Variants in SV2C observed in about 807,000 individuals in gnomAD.
SV2C encodes the protein solute carrier family 22 member B3.
Under a neutral mutation model 79.7 loss-of-function variants are expected in SV2C, and 49 were observed. The observed-to-expected ratio is 0.61, with a 90% CI of 0.49 to 0.78. SV2C has a LOEUF of 0.78. Among genes scored for constraint, SV2C ranks in the 30% least tolerant of loss-of-function variants. The pLI is 0.00. For missense variants in SV2C, 833 were observed against 912.9 expected (o/e 0.91, Z 1.13); for synonymous variants, 334 against 333.2 (o/e 1.00, Z -0.03).
intron 2 of SV2C, among the ~76,000 whole-genome samples, chr5:76,187,304 T>C (rs1336351515): frequency 1.3e-5 from 2 of 152,216 alleles, no homozygotes; most frequent in African/African-American, 2.4e-5. Context: ...AGTTTGCTCA[T>C]TGGATTCAGG....
At chr5:76,162,270 A>G (rs1233370426) in intron 2 of SV2C, among the ~76,000 whole-genome samples, 2 of 152,144 alleles carry the variant, frequency 1.3e-5, no homozygotes, top group Non-Finnish European at 2.9e-5. Context: ...TTTCCCTGAA[A>G]TGTTCAATGA....
the SV2C span, among the ~76,000 whole-genome samples, chr5:75,985,081 A>G: frequency 6.6e-6 from 1 of 151,956 alleles, no homozygotes; most frequent in South Asian, 2.1e-4. Context: ...ACACAGTTGC[A>G]TCTGGTGAGG....
intron 2 of SV2C, among the ~76,000 whole-genome samples, chr5:76,179,859 G>A (rs897685071): frequency 1.1e-4 from 17 of 152,248 alleles, no homozygotes; most frequent in Admixed American, 1.1e-3. Flanking sequence ...TGGCCTGCTG[G>A]ATTTTCTCTT....
intron 4 of SV2C, among the ~76,000 whole-genome samples, chr5:76,239,093 C>T (rs577659609): frequency 5.5e-4 from 83 of 151,984 alleles, no homozygotes; most frequent in Admixed American, 4.8e-3. Flanking sequence ...TCTTCCCCCC[C>T]ACTTCTGTAT....
intron 12 of SV2C, among the ~76,000 whole-genome samples, chr5:76,310,557 T>C (rs566347813): frequency 5.3e-5 from 8 of 152,130 alleles, no homozygotes; most frequent in Admixed American, 4.6e-4. Flanking sequence ...TAAAATGAAA[T>C]CCAATGTGGG....
At chr5:76,248,239 G>T (rs1167745427) in intron 4 of SV2C, among the ~76,000 whole-genome samples, 4 of 152,192 alleles carry the variant, frequency 2.6e-5, no homozygotes, top group African/African-American at 4.8e-5. Flanking sequence ...CACAGACTGG[G>T]TGGCTTCAAC....
At chr5:76,184,903 A>G (rs1472671857) in intron 2 of SV2C, among the ~76,000 whole-genome samples, 1 of 152,220 alleles carries the variant, frequency 6.6e-6, no homozygotes, top group Non-Finnish European at 1.5e-5. Context: ...TCATTTCAGC[A>G]TTAACCCAAA....
chr5:76,227,748 T>C lies in SV2C; in HGVS notation c.913+17861T>C, dbSNP rs181495682. Among the ~76,000 whole-genome samples the C allele has an allele frequency of 2.8e-3, 430 of 152,278 alleles. 5 individuals are homozygous for C. Among genetic ancestry groups the C allele is most frequent in the Non-Finnish European group, 5.9e-4 (40 of 68,012 alleles). On this transcript the variant is annotated intron_variant, in intron 4 of 12. Transcript: ENST00000502798. Reference sequence around the variant, plus strand: ...CCTCCACACATCTGGTTGAGACAGTTCCATCTAGTTCTGATCAGTTTTATT... The same window carrying C: ...CCTCCACACATCTGGTTGAGACAGTCCCATCTAGTTCTGATCAGTTTTATT...
intron 4 of SV2C, among the ~76,000 whole-genome samples, chr5:76,244,373 A>G (rs66531249): frequency 0.049 from 7,476 of 152,308 alleles, 340 homozygotes; most frequent in African/African-American, 0.12. Context: ...TCCTGCCTTC[A>G]AAGAGTTTTG....
At chr5:76,107,479 A>T (rs1045521769) in intron 1 of SV2C, among the ~76,000 whole-genome samples, 1 of 152,326 alleles carries the variant, frequency 6.6e-6, no homozygotes, top group African/African-American at 2.4e-5. Context: ...CAGTTTTCAG[A>T]TTATTATTAA....
At chr5:75,997,905 G>A in the SV2C span, among the ~76,000 whole-genome samples, 7 of 151,908 alleles carry the variant, frequency 4.6e-5, no homozygotes, top group African/African-American at 7.3e-5. Context: ...TGTTTATTGT[G>A]GCACTATTCA....
intron 1 of SV2C, among the ~76,000 whole-genome samples, chr5:76,130,145 T>TAAAAAAAAAAAAAAAAAAA (rs375351450): frequency 1.5e-5 from 1 of 67,832 alleles, no homozygotes; most frequent in Non-Finnish European, 2.3e-5. Context: ...TCTCAGTTCT[T>TAAAAAAAAAAAAAAAAAAA]AAAAAAAAAA....
At chr5:75,961,429 G>A in the SV2C span, among the ~76,000 whole-genome samples, 22 of 151,514 alleles carry the variant, frequency 1.5e-4, no homozygotes. Context: ...ATGATCTAAA[G>A]GAATAAAACA....
intron 6 of SV2C, among the ~76,000 whole-genome samples, chr5:76,290,176 C>T (rs1450386127): frequency 6.6e-6 from 1 of 152,056 alleles, no homozygotes; most frequent in African/African-American, 2.4e-5. Context: ...TTTGGAATTC[C>T]ATATTTAACT....
At chr5:75,943,107 G>A in the SV2C span, among the ~76,000 whole-genome samples, 1 of 152,180 alleles carries the variant, frequency 6.6e-6, no homozygotes, top group African/African-American at 2.4e-5. Flanking sequence ...GTAGCATTAA[G>A]CACTCTCTGA....
At chr5:76,019,097 A>G in the SV2C span, among the ~76,000 whole-genome samples, 8 of 152,186 alleles carry the variant, frequency 5.3e-5, no homozygotes, top group African/African-American at 1.9e-4. Context: ...AGAGAGAGAG[A>G]AAATAAAAAC....
chr5:75,855,903 A>C, the SV2C span, among the ~76,000 whole-genome samples: 4 of 152,108 alleles, frequency 2.6e-5, no homozygotes, highest in African/African-American at 9.7e-5. Flanking sequence ...ATTCATTCTA[A>C]GTATGTTTTT....
chr5:75,984,985 T>C, the SV2C span, among the ~76,000 whole-genome samples: 4 of 151,998 alleles, frequency 2.6e-5, no homozygotes, highest in African/African-American at 9.7e-5. Flanking sequence ...TTTGTGTTGC[T>C]ATAACAGAAT....
intron 9 of SV2C, among the ~76,000 whole-genome samples, chr5:76,296,338 A>T (rs577115531): frequency 1.3e-5 from 2 of 152,302 alleles, no homozygotes; most frequent in Admixed American, 1.3e-4. Context: ...TGAGTCTTCT[A>T]TTCCTGAGAA....
Sources: gnomAD v4.1 joint callset for allele counts (sites outside exome capture counted in the v4.1 genomes callset) on GRCh38, gnomAD v4.1.1 for gene constraint, MANE v1.5 for transcripts, NCBI Gene and HGNC (gene_info 2026-07-23, HGNC 2026-07-21) for gene names.